The following GLB1 variants were observed in gnomAD, a reference collection of about 807,000 sequenced individuals.
GLB1 encodes the protein beta-galactosidase.
In GLB1, 56 loss-of-function variants were observed where a neutral mutation model predicts 74.0. The observed-to-expected ratio is 0.76, with a 90% CI of 0.61 to 0.94. GLB1 has a LOEUF of 0.94. Among genes scored for constraint, GLB1 ranks in the 40% least tolerant of loss-of-function variants. GLB1 has a pLI of 0.00. For synonymous variants in GLB1, 323 were observed against 323.6 expected, an observed-to-expected ratio of 1.00 and a Z score of 0.02; for missense variants, 787 against 845.5, an observed-to-expected ratio of 0.93 and a Z score of 0.86.
rs1700849612 is a variant in GLB1, at chr3:33,093,271, C to T, written c.75+3740G>A. 5.6e-6 allele frequency: 9 copies of T among 1,614,140 alleles called. No individual in the cohort carries two copies. The highest frequency in any genetic ancestry group is 2.2e-5 in the East Asian group (1 of 44,878). On this transcript the variant is annotated intron_variant, in intron 1 of 15. Transcript: ENST00000307363. The surrounding 1 kb of genome is among the most constrained non-coding windows in gnomAD (Gnocchi z 6.0). The stretch of plus-strand genomic sequence containing the variant: ...CCACCACCACGTTGGGCCCGTGTGG[C>T]GGAAATCTTCACGTTCTCATTATGA...
At chr3:33,042,716 C>T (rs771013637) in intron 10 of GLB1, among the ~76,000 whole-genome samples, 48 of 152,186 alleles carry the variant, frequency 3.2e-4, no homozygotes, top group Non-Finnish European at 6.2e-4. Context: ...ACACTGGCCT[C>T]CTTGCTAGTC....
At chr3:33,049,670 C>G (rs898908677) in intron 9 of GLB1, among the ~76,000 whole-genome samples, 3 of 151,380 alleles carry the variant, frequency 2.0e-5, no homozygotes, top group Non-Finnish European at 4.4e-5. Flanking sequence ...CGCACCTCAG[C>G]CTCCCAAAGT....
At chr3:33,084,740 T>C (rs1328698448) in intron 1 of GLB1, among the ~76,000 whole-genome samples, 2 of 152,270 alleles carry the variant, frequency 1.3e-5, no homozygotes, top group South Asian at 2.1e-4. Context: ...TTAAAAAATA[T>C]GTAATTTCTT....
At chr3:33,087,575 GCGCGCACACA>G (rs1186682487) in intron 1 of GLB1, among the ~76,000 whole-genome samples, 5 of 36,000 alleles carry the variant, frequency 1.4e-4, no homozygotes, top group Non-Finnish European at 2.6e-4. Flanking sequence ...GTCTCAGCAT[GCGCGCACACA>G]CACACACACA....
Position 33,096,667 on chromosome 3 carries a change from G to T in GLB1, c.75+344C>A, listed in dbSNP as rs1023527233. On this transcript the variant is annotated intron_variant, in intron 1 of 15. Transcript: ENST00000307363. ...GAGCCGGAGGCACCCTCTAACCCGC[G>T]CAACTTGGAATCCCCTCCCGGAAAG... 1.9e-5 allele frequency: 22 copies of T among 1,128,866 alleles called. No homozygotes were observed. In the African/African-American group the frequency reaches 3.5e-4, roughly 18 times the overall value. 69.9% of individuals were successfully genotyped at this position (1,128,866 alleles called of 1,614,324 possible).
chr3:33,090,687 G>A (rs575286004), intron 1 of GLB1: 1,426 of 985,432 alleles, frequency 1.4e-3, no homozygotes, highest in Non-Finnish European at 1.6e-3. Flanking sequence ...CTGCCCACCA[G>A]GGCCAGAATC....
intron 10 of GLB1, among the ~76,000 whole-genome samples, chr3:33,042,502 G>A (rs955358416): frequency 2.9e-4 from 44 of 151,004 alleles, no homozygotes; most frequent in African/African-American, 1.0e-3. Flanking sequence ...GGAGTAGCTG[G>A]GACTACAGGC....
At chr3:33,076,873 T>C (rs1270394982) in intron 1 of GLB1, among the ~76,000 whole-genome samples, 2 of 152,140 alleles carry the variant, frequency 1.3e-5, no homozygotes, top group African/African-American at 2.4e-5. Context: ...AAAAACTGTA[T>C]TTCAGGGTTA....
In GLB1 at chr3:33,093,050, T is replaced by C; in HGVS notation, c.75+3961A>G. 1 of 1,614,200 alleles carries C rather than the reference T, an allele frequency of 6.2e-7. No homozygotes were observed. Among genetic ancestry groups the C allele is most frequent in the Non-Finnish European group, 8.5e-7 (1 of 1,180,026 alleles). On this transcript the variant is annotated intron_variant, in intron 1 of 15. Transcript: ENST00000307363. The surrounding 1 kb of genome is among the most constrained non-coding windows in gnomAD (Gnocchi z 6.0). ...GCCCAGAAAGGATCAGGTTAATATC[T>C]GGCCGAGCCTGGAGAGCTCTCTTGG...
chr3:32,979,851 CAAAAAAAA>C, the GLB1 span, among the ~76,000 whole-genome samples: 3 of 25,220 alleles, frequency 1.2e-4, no homozygotes, highest in African/African-American at 4.4e-4. Flanking sequence ...GACCCTGTCT[CAAAAAAAA>C]AAAAAAAAAA....
At chr3:32,981,222 G>GTGAA in the GLB1 span, among the ~76,000 whole-genome samples, 1 of 150,522 alleles carries the variant, frequency 6.6e-6, no homozygotes, top group Non-Finnish European at 1.5e-5. Context: ...AGCCAACACA[G>GTGAA]TGAAACCCCA....
At chr3:33,049,116 C>G (rs1337047602) in intron 9 of GLB1, among the ~76,000 whole-genome samples, 1 of 151,974 alleles carries the variant, frequency 6.6e-6, no homozygotes, top group Non-Finnish European at 1.5e-5. Context: ...CCATAAAGTT[C>G]CAAAAACGAT....
At chr3:32,982,339 T>A in the GLB1 span, among the ~76,000 whole-genome samples, 1 of 151,746 alleles carries the variant, frequency 6.6e-6, no homozygotes, top group Non-Finnish European at 1.5e-5. Flanking sequence ...AAAAACTTAT[T>A]TCATAGATTA....
chr3:33,078,260 C>T (rs537579389), intron 1 of GLB1, among the ~76,000 whole-genome samples: 45 of 152,166 alleles, frequency 3.0e-4, no homozygotes, highest in African/African-American at 6.7e-4. Context: ...ACAATAAATG[C>T]AGAAGGAATA....
At chr3:32,995,133 T>C (rs541823061), downstream of GLB1, among the ~76,000 whole-genome samples, 50 of 152,250 alleles carry the variant, frequency 3.3e-4, no homozygotes, top group African/African-American at 1.2e-3. Context: ...CTTATTGCTA[T>C]TTGACCTTAC....
chr3:33,055,478 T>G (rs1575456386), intron 6 of GLB1, among the ~76,000 whole-genome samples: 1 of 100,786 alleles, frequency 9.9e-6, no homozygotes, highest in African/African-American at 3.6e-5. Flanking sequence ...TTTTTTTTTT[T>G]GAGATGGAGT....
At chr3:32,968,868 A>T in the GLB1 span, among the ~76,000 whole-genome samples, 12 of 152,344 alleles carry the variant, frequency 7.9e-5, no homozygotes, top group African/African-American at 2.9e-4. Context: ...CCAGTGACAT[A>T]CTTATCCAGG....
At chr3:32,972,142 G>A in the GLB1 span, among the ~76,000 whole-genome samples, 1 of 151,968 alleles carries the variant, frequency 6.6e-6, no homozygotes, top group Admixed American at 6.6e-5. Context: ...CAGGTCATGG[G>A]GGTACCGTAC....
chr3:32,966,375 T>C, the GLB1 span, among the ~76,000 whole-genome samples: 1 of 152,238 alleles, frequency 6.6e-6, no homozygotes, highest in Non-Finnish European at 1.5e-5. Context: ...TATTGGGTTT[T>C]GGACTTGCAT....
Sources: allele counts gnomAD v4.1 joint callset (sites outside exome capture counted in the v4.1 genomes callset), GRCh38; gene constraint gnomAD v4.1.1; non-coding constraint Gnocchi (gnomAD v3.1); transcripts MANE v1.5; gene names NCBI Gene and HGNC (gene_info 2026-07-23, HGNC 2026-07-21).